Variants in XPO6 observed in about 807,000 individuals in gnomAD.
The protein encoded by XPO6 is exportin 6.
A neutral mutation model predicts 130.0 loss-of-function variants in XPO6; 3 were observed. The ratio of observed to expected loss-of-function variants is 0.02; its 90% CI spans 0.01 to 0.06. The LOEUF is 0.06. Ranked by LOEUF, XPO6 falls within the 10% of genes least tolerant of loss-of-function variation. XPO6 has a pLI of 1.00. For synonymous variants in XPO6, 524 were observed against 548.9 expected (o/e 0.95, Z 0.63); for missense variants, 970 against 1,393.0 (o/e 0.70, Z 4.83).
Position 28,104,593 on chromosome 16 carries a change from C to T in XPO6, c.2899G>A (p.Ala967Thr), listed in dbSNP as rs1024331646. Residue 967 changes from alanine (A) to threonine (T), a missense_variant, in exon 21 of 24, where the codon GCT becomes ACT. Coordinates refer to ENST00000304658, the MANE Select transcript of XPO6 (RefSeq NM_015171.4). ...GGCTCATTCTCCATCTGCTCCTCAG[C>T]GATCCCCCTCTGGACACTGGCCAGC... is the stretch of plus-strand genomic sequence containing the variant. Reference protein sequence around the residue: ...TVLASVQRGIAEEQMENEPQF... With the variant: ...TVLASVQRGITEEQMENEPQF... 8.1e-6 allele frequency: 13 copies of T among 1,614,212 alleles called. No individual in the cohort carries two copies. The highest frequency in any genetic ancestry group is 1.3e-5 in the African/African-American group (1 of 75,054).
intron 17 of XPO6, among the ~76,000 whole-genome samples, chr16:28,109,484 A>T (rs2086867933): frequency 6.6e-6 from 1 of 152,178 alleles, no homozygotes; most frequent in East Asian, 1.9e-4. Context: ...TACTCCCAAC[A>T]GGCATCCAGA....
chr16:28,205,079 G>T (rs922306122), intron 1 of XPO6, among the ~76,000 whole-genome samples: 1 of 151,982 alleles, frequency 6.6e-6, no homozygotes, highest in Non-Finnish European at 1.5e-5. Flanking sequence ...AATGAGCAAA[G>T]GGAAAGTGAG....
rs1267711564 is a variant in XPO6 at position 28,177,196 on chromosome 16, A to G, written c.207+24T>C. 7.3e-6 allele frequency: 11 copies of G among 1,510,010 alleles called. No individual in the cohort carries two copies. In the African/African-American group the frequency reaches 1.4e-4, roughly 19 times the overall value. 93.5% of individuals were successfully genotyped at this position (1,510,010 alleles called of 1,614,324 possible). ...AGAACTACAAAATCCTTTTCAGAAGAGTATAAAATTACTGACAACTTACCT... is the reference window on the plus strand; with the variant it reads ...AGAACTACAAAATCCTTTTCAGAAGGGTATAAAATTACTGACAACTTACCT... On this transcript the variant is annotated intron_variant, in intron 3 of 23. Transcript: ENST00000304658.
At chr16:28,167,163 C>A (rs2043370054) in intron 5 of XPO6, 2 of 985,330 alleles carry the variant, frequency 2.0e-6, no homozygotes, top group Admixed American at 1.2e-4. Flanking sequence ...TTGGCCCAAA[C>A]TCACCTTGAC....
intron 12 of XPO6, among the ~76,000 whole-genome samples, chr16:28,126,397 A>AT (rs1350574374): frequency 6.6e-6 from 1 of 152,194 alleles, no homozygotes; most frequent in Non-Finnish European, 1.5e-5. Context: ...GGGAGGTGAC[A>AT]CAGTATGAAA....
rs1385524995 is a variant in XPO6 at position 28,211,638 on chromosome 16, C to A, written c.-270G>T. On this transcript the variant is annotated 5_prime_UTR_variant, in exon 1 of 24. Coordinates refer to ENST00000304658, the MANE Select transcript of XPO6 (RefSeq NM_015171.4). ...GCAGGAAATGAGGCTCGGATGCCGG[C>A]GAGGAGGGCAGCTGCTCGGGACCCC... The A allele has an allele frequency of 1.5e-5, 6 of 392,446 alleles. No individual in the cohort carries two copies. Among genetic ancestry groups the A allele is most frequent in the Admixed American group, 9.1e-5 (2 of 21,884 alleles). 24.3% of individuals were successfully genotyped at this position (392,446 alleles called of 1,614,324 possible).
intron 1 of XPO6, among the ~76,000 whole-genome samples, chr16:28,186,371 A>ATCCTTTTTT (rs2043692526): frequency 3.9e-4 from 4 of 10,136 alleles, no homozygotes; most frequent in African/African-American, 1.6e-3. Flanking sequence ...TGCCCCAGTT[A>ATCCTTTTTT]TTCTTTTTTT....
chr16:28,138,469 A>C (rs544454248), intron 9 of XPO6, among the ~76,000 whole-genome samples: 19 of 151,960 alleles, frequency 1.3e-4, no homozygotes, highest in Non-Finnish European at 2.5e-4. Context: ...TGCAAAAAAA[A>C]CCCGTATCGC....
intron 17 of XPO6, among the ~76,000 whole-genome samples, chr16:28,108,603 A>C (rs1302785327): frequency 1.3e-5 from 2 of 152,154 alleles, no homozygotes; most frequent in Non-Finnish European, 2.9e-5. Context: ...AGAGTTTCCC[A>C]CCAGCCTCCC....
At position 28,106,582 on chromosome 16, in the gene XPO6, C is replaced by A; in HGVS notation, c.2498-85G>T. The A allele has an allele frequency of 9.5e-7, 1 of 1,049,734 alleles. No homozygotes were observed. Among genetic ancestry groups the A allele is most frequent in the African/African-American group, 1.6e-5 (1 of 63,578 alleles). The allele number at this position is 1,049,734 out of a possible 1,614,324, so 65.0% of individuals were successfully genotyped here. The stretch of plus-strand genomic sequence containing the variant: ...GGCTTCATCAACCTACTCCTGAAAT[C>A]TGCACTATCAGCTTTCTCTACAGCT... On this transcript the variant is annotated intron_variant, in intron 18 of 23. Transcript: ENST00000304658. The surrounding 1 kb of genome is among the most constrained non-coding windows in gnomAD (Gnocchi z 4.2).
At chr16:28,109,144 T>C (rs1426831561) in intron 17 of XPO6, among the ~76,000 whole-genome samples, 1 of 151,890 alleles carries the variant, frequency 6.6e-6, no homozygotes, top group African/African-American at 2.4e-5. Flanking sequence ...CTCTGGCATT[T>C]AAGGAAATTC....
chr16:28,194,221 A>T (rs2043825672), intron 1 of XPO6, among the ~76,000 whole-genome samples: 1 of 152,112 alleles, frequency 6.6e-6, no homozygotes, highest in Non-Finnish European at 1.5e-5. Flanking sequence ...CTGGTGAGTC[A>T]ATGAGCTTAA....
At chr16:28,115,242 T>A (rs1223692900) in intron 15 of XPO6, among the ~76,000 whole-genome samples, 9 of 152,230 alleles carry the variant, frequency 5.9e-5, no homozygotes. Context: ...CCAGATCCAC[T>A]GGAGGAACCA....
chr16:28,171,452 C>CAAAAAAA (rs36000498), intron 4 of XPO6, among the ~76,000 whole-genome samples: 3 of 99,102 alleles, frequency 3.0e-5, no homozygotes, highest in African/African-American at 1.2e-4. Flanking sequence ...GACTCTGTCT[C>CAAAAAAA]AAAAAAAAAA....
Position 28,211,739 on chromosome 16 carries a change from G to A in XPO6, c.-371C>T, listed in dbSNP as rs2044137202. The A allele has an allele frequency of 2.8e-6, 1 of 351,300 alleles. No individual in the cohort carries two copies. Among genetic ancestry groups the A allele is most frequent in the African/African-American group, 2.1e-5 (1 of 47,052 alleles). 21.8% of individuals were successfully genotyped at this position (351,300 alleles called of 1,614,324 possible). On this transcript the variant is annotated 5_prime_UTR_variant, in exon 1 of 24. Coordinates refer to ENST00000304658, the MANE Select transcript of XPO6 (RefSeq NM_015171.4). Reference sequence around the variant, plus strand: ...CCCGGCCTCCGCGGGCAGAGGTGGCGGCGGCCCCGGCCCCGAGGCTGAACG... The same window carrying A: ...CCCGGCCTCCGCGGGCAGAGGTGGCAGCGGCCCCGGCCCCGAGGCTGAACG...
intron 2 of XPO6, among the ~76,000 whole-genome samples, chr16:28,178,089 T>A (rs2043560213): frequency 6.6e-6 from 1 of 152,206 alleles, no homozygotes; most frequent in African/African-American, 2.4e-5. Context: ...TTAGTCACCT[T>A]GACCTGCTGC....
At chr16:28,208,947 C>T (rs574653526) in intron 1 of XPO6, 2 of 152,162 alleles carry the variant, frequency 1.3e-5, no homozygotes, top group East Asian at 3.9e-4. Context: ...AGGTATCCAC[C>T]GAAGGATGAA....
intron 2 of XPO6, among the ~76,000 whole-genome samples, chr16:28,179,928 G>A (rs2043589307): frequency 6.6e-6 from 1 of 152,180 alleles, no homozygotes. Context: ...ATTAGAATAT[G>A]AACATGTTCA....
In XPO6 at chr16:28,133,836, A is replaced by T; in HGVS notation, c.1536+5T>A. ...CACTCTCCACTCCCCCGGACAGCACATTACCAGTGTGGAGAAGGCGTGCGT... is the reference window on the plus strand; with the variant it reads ...CACTCTCCACTCCCCCGGACAGCACTTTACCAGTGTGGAGAAGGCGTGCGT... On this transcript the variant is annotated splice_donor_5th_base_variant and intron_variant, in intron 11 of 23. Coordinates refer to ENST00000304658, the MANE Select transcript of XPO6 (RefSeq NM_015171.4). The T allele has an allele frequency of 6.2e-7, 1 of 1,614,014 alleles. No individual in the cohort carries two copies. Among genetic ancestry groups the T allele is most frequent in the Non-Finnish European group, 8.5e-7 (1 of 1,179,932 alleles).
Sources: gnomAD v4.1 joint callset for allele counts (sites outside exome capture counted in the v4.1 genomes callset) on GRCh38, gnomAD v4.1.1 for gene constraint, Gnocchi (gnomAD v3.1) non-coding constraint, MANE v1.5 for transcripts, NCBI Gene and HGNC (gene_info 2026-07-23, HGNC 2026-07-21) for gene names.